Variants in ADGRF3 observed in about 807,000 individuals in gnomAD.
ADGRF3 encodes adhesion G protein-coupled receptor F3.
Under a neutral mutation model 93.2 loss-of-function variants are expected in ADGRF3, and 85 were observed. The ratio of observed to expected loss-of-function variants is 0.91; its 90% CI spans 0.77 to 1.09. ADGRF3 has a LOEUF of 1.09. Ranked by LOEUF, ADGRF3 falls within the 50% of genes least tolerant of loss-of-function variation. The pLI, the probability that ADGRF3 is intolerant of heterozygous loss-of-function variation, is 0.00. For missense variants in ADGRF3, 1,125 were observed against 1,246.2 expected (o/e 0.90, Z 1.46); for synonymous variants, 534 against 532.5 (o/e 1.00, Z -0.04).
intron 1 of ADGRF3, among the ~76,000 whole-genome samples, chr2:26,320,250 C>G (rs1245652360): frequency 6.6e-6 from 1 of 152,116 alleles, no homozygotes; most frequent in Non-Finnish European, 1.5e-5. Context: ...TAATCCCAAC[C>G]CTTTGGGAGG....
rs751648096 is a variant in ADGRF3 at position 26,313,006 on chromosome 2, G to A, written c.1386C>T (p.Thr462=). Residue 462 remains threonine, a synonymous_variant, in exon 9 of 14, where the codon ACC becomes ACT. Transcript: ENST00000651242. ...CCACCACCTTGGCCACGTATTTCAT[G>A]GTGCTCAGCAGGGTCAGTAAGTCGG... ...SPSDLLTLLS[T]MKYVAKVVAE... 3.3e-5 allele frequency: 53 copies of A among 1,613,902 alleles called. No homozygotes were observed. The South Asian group carries it at 5.8e-4, about 18-fold the overall frequency.
rs970559699 is a variant in ADGRF3, at chr2:26,308,843, A to C, written c.*243T>G. ...TATCTGTCGATTATTTCTGGAGCAA[A>C]GGCAGGCTTATTCATTAGGTGCCTT... is the stretch of plus-strand genomic sequence containing the variant. On this transcript the variant is annotated 3_prime_UTR_variant, in exon 14 of 14. Coordinates refer to ENST00000651242, the MANE Select transcript of ADGRF3 (RefSeq NM_001321971.2). The C allele has an allele frequency of 6.0e-6, 3 of 496,186 alleles. No individual in the cohort carries two copies. Among genetic ancestry groups the C allele is most frequent in the Non-Finnish European group, 1.1e-5 (3 of 280,040 alleles). 30.7% of individuals were successfully genotyped at this position (496,186 alleles called of 1,614,324 possible).
At chr2:26,318,820 A>ATCCACTTTCCTTACACATTACT in intron 1 of ADGRF3, 2 of 1,346,820 alleles carry the variant, frequency 1.5e-6, no homozygotes, top group Non-Finnish European at 2.0e-6. Flanking sequence ...ATAACAAAGC[A>ATCCACTTTCCTTACACATTACT]TCCACTTTCC....
At chr2:26,341,699 T>C (rs1676406305) in intron 1 of ADGRF3, among the ~76,000 whole-genome samples, 1 of 152,190 alleles carries the variant, frequency 6.6e-6, no homozygotes. Context: ...GGTCTCCCTA[T>C]GTTGCCCAGG....
In ADGRF3 at chr2:26,317,981, G is replaced by A. The variant is rs199726295; in HGVS notation, c.115-419C>T. 109 of 1,482,008 alleles carry A rather than the reference G, an allele frequency of 7.4e-5. 1 individual carries two copies. The highest frequency in any genetic ancestry group is 6.4e-4 in the East Asian group (26 of 40,588). The allele number at this position is 1,482,008 out of a possible 1,614,324, so 91.8% of individuals were successfully genotyped here. ...GAGCAGAAGGCAGCCTCTTTCCTCC[G>A]TCTTTGGTTCCTGTACATTATTTCC... On this transcript the variant is annotated intron_variant, in intron 1 of 13. Transcript: ENST00000651242.
chr2:26,313,865 G>A lies in ADGRF3; in HGVS notation c.967C>T (p.Leu323=). 6.2e-7 allele frequency: 1 copy of A among 1,613,992 alleles called. No homozygotes were observed. Among genetic ancestry groups the A allele is most frequent in the Non-Finnish European group, 8.5e-7 (1 of 1,179,882 alleles). ...FNESGSQCFV[L]AVQRCPMADT... is the part of the protein sequence containing the mutation. ...GCCATCGGGCAGCGCTGAACAGCCA[G>A]CACAAAGCACTGAGAGCCTGACTCG... The change falls in exon 7 of 14, where the codon CTG becomes TTG. Residue 323 remains leucine, a synonymous_variant. Coordinates refer to ENST00000651242, the MANE Select transcript of ADGRF3 (RefSeq NM_001321971.2).
At chr2:26,340,127 AT>A (rs931078384) in intron 1 of ADGRF3, among the ~76,000 whole-genome samples, 9 of 152,054 alleles carry the variant, frequency 5.9e-5, no homozygotes, top group Non-Finnish European at 1.3e-4. Flanking sequence ...ATTGTTTCCT[AT>A]TTGTATATCT....
rs565167897 is a variant in ADGRF3 at position 26,335,367 on chromosome 2, T to G, written c.114+10754A>C. Among the ~76,000 whole-genome samples, 6 of 152,342 alleles carry G rather than the reference T, an allele frequency of 3.9e-5. No homozygotes were observed. The East Asian group carries it at 9.6e-4, about 24-fold the overall frequency. ...TCGTGCTGTAGCATATATCATTACT[T>G]CATTCCTTTTTGTGGCTGAACAGTT... On this transcript the variant is annotated intron_variant, in intron 1 of 13. Coordinates refer to ENST00000651242, the MANE Select transcript of ADGRF3 (RefSeq NM_001321971.2).
chr2:26,343,526 G>A lies in ADGRF3; in HGVS notation c.114+2595C>T, dbSNP rs550811293. Among the ~76,000 whole-genome samples, 28 of 151,802 alleles carry A rather than the reference G, an allele frequency of 1.8e-4. No homozygotes were observed. The East Asian group carries it at 3.9e-3, about 21-fold the overall frequency. On this transcript the variant is annotated intron_variant, in intron 1 of 13. Transcript: ENST00000651242. ...GCGATCTCGGCTCACTGCAAGCTCC[G>A]CCTCCCGGGTTCACACCATTCTCCT...
At chr2:26,344,376 G>T (rs372056525) in intron 1 of ADGRF3, among the ~76,000 whole-genome samples, 84 of 152,048 alleles carry the variant, frequency 5.5e-4, no homozygotes, top group African/African-American at 2.0e-3. Flanking sequence ...ACTCCTGATC[G>T]CAAGTAATCC....
chr2:26,326,418 T>C (rs866886840), intron 1 of ADGRF3, among the ~76,000 whole-genome samples: 38 of 152,178 alleles, frequency 2.5e-4, no homozygotes, highest in Admixed American at 7.9e-4. Flanking sequence ...GAACAGAAAA[T>C]ATATCCTTCT....
intron 1 of ADGRF3, among the ~76,000 whole-genome samples, chr2:26,327,490 C>T (rs1300075683): frequency 2.6e-5 from 4 of 152,026 alleles, no homozygotes; most frequent in Non-Finnish European, 5.9e-5. Flanking sequence ...ACCAAGGATG[C>T]TGTATCAGTA....
At chr2:26,316,616 A>G (rs1238895582) in intron 3 of ADGRF3, among the ~76,000 whole-genome samples, 168 bp from the exon 4 acceptor site, 2 of 152,032 alleles carry the variant, frequency 1.3e-5, no homozygotes, top group South Asian at 4.1e-4. Context: ...CTCCTCAGTC[A>G]GGACTCGAAG....
chr2:26,345,882 A>C, intron 1 of ADGRF3: 1 of 537,154 alleles, frequency 1.9e-6, no homozygotes, highest in Non-Finnish European at 3.3e-6. Flanking sequence ...GCCTTACCTC[A>C]GCTCACCAAT....
chr2:26,319,176 G>A (rs910068248), intron 1 of ADGRF3: 99 of 970,038 alleles, frequency 1.0e-4, no homozygotes, highest in Middle Eastern at 1.0e-3. Context: ...CAGAGGAAGC[G>A]CTACAGCCTG....
intron 5 of ADGRF3, chr2:26,314,824 T>A: frequency 3.4e-6 from 2 of 591,118 alleles, no homozygotes; most frequent in Non-Finnish European, 3.0e-6. Context: ...GTAGAAGAGA[T>A]CTCTCTTTTA....
At chr2:26,324,694 G>A (rs1051656286) in intron 1 of ADGRF3, among the ~76,000 whole-genome samples, 2 of 152,140 alleles carry the variant, frequency 1.3e-5, no homozygotes, top group South Asian at 2.1e-4. Flanking sequence ...TGGTGTATAT[G>A]TACCACATTT....
At chr2:26,341,504 T>C (rs2147929397) in intron 1 of ADGRF3, among the ~76,000 whole-genome samples, 1 of 152,312 alleles carries the variant, frequency 6.6e-6, no homozygotes, top group Middle Eastern at 3.4e-3. Flanking sequence ...TTATATTGCG[T>C]AGACTTTTTC....
intron 1 of ADGRF3, among the ~76,000 whole-genome samples, chr2:26,319,565 C>CCCTTCCTCCCTTCCTT (rs1674997142): frequency 2.1e-5 from 1 of 48,136 alleles, no homozygotes; most frequent in African/African-American, 7.8e-5. Flanking sequence ...CTCCCTCCCT[C>CCCTTCCTCCCTTCCTT]CCTTCCTTCC....
Sources: allele counts gnomAD v4.1 joint callset (sites outside exome capture counted in the v4.1 genomes callset), GRCh38; gene constraint gnomAD v4.1.1; transcripts MANE v1.5; gene names NCBI Gene and HGNC (gene_info 2026-07-23, HGNC 2026-07-21).